The following FAM193A variants were observed in gnomAD, a reference collection of about 807,000 sequenced individuals.
FAM193A encodes protein FAM193A.
Under a neutral mutation model 126.5 loss-of-function variants are expected in FAM193A, and 22 were observed. That is an observed-to-expected ratio of 0.17 (90% CI 0.12 to 0.25). The LOEUF is 0.25. FAM193A is among the 10% of genes least tolerant of loss of function. FAM193A has a pLI of 1.00. For missense variants in FAM193A, 1,675 were observed against 1,672.8 expected, an observed-to-expected ratio of 1.00 and a Z score of -0.02; for synonymous variants, 761 against 646.8, an observed-to-expected ratio of 1.18 and a Z score of -2.68.
chr4:2,703,401 C>CAT (rs1717957238), intron 19 of FAM193A, among the ~76,000 whole-genome samples: 1 of 152,168 alleles, frequency 6.6e-6, no homozygotes. Flanking sequence ...CACGTGCCAC[C>CAT]ATACCCAGCT....
At chr4:2,683,778 A>G (rs973552703) in intron 13 of FAM193A, among the ~76,000 whole-genome samples, 3 of 152,074 alleles carry the variant, frequency 2.0e-5, no homozygotes, top group Admixed American at 6.5e-5. Flanking sequence ...CCAGCATTCC[A>G]CTTACCAGGT....
intron 2 of FAM193A, chr4:2,608,046 G>T (rs1741647999): frequency 1.2e-6 from 2 of 1,608,290 alleles, no homozygotes; most frequent in Non-Finnish European, 1.7e-6. Flanking sequence ...CGGGTGTGCA[G>T]CATAAATTGC....
chr4:2,671,703 C>T (rs1001420300), intron 12 of FAM193A, among the ~76,000 whole-genome samples: 3 of 152,202 alleles, frequency 2.0e-5, no homozygotes, highest in South Asian at 2.1e-4. Context: ...CCACCGTAAC[C>T]GGAAGTCGCG....
In FAM193A at chr4:2,542,289, G is replaced by A. The variant is rs576985128; in HGVS notation, c.255+5119G>A. On this transcript the variant is annotated intron_variant, in intron 1 of 20. Coordinates refer to ENST00000637812, the MANE Select transcript of FAM193A (RefSeq NM_001366318.2). Reference sequence around the variant, plus strand: ...CAAAGTGCTGGGATTACAGGCGTGAGCAACCACGCCCGGCCATTTTTTGTA... The same window carrying A: ...CAAAGTGCTGGGATTACAGGCGTGAACAACCACGCCCGGCCATTTTTTGTA... Among the ~76,000 whole-genome samples, 147 of 152,262 alleles carry A rather than the reference G, an allele frequency of 9.7e-4. 1 individual carries two copies. The highest frequency in any genetic ancestry group is 1.8e-3 in the Non-Finnish European group (121 of 68,024).
At chr4:2,536,113 C>G (rs556509381), upstream of FAM193A, among the ~76,000 whole-genome samples, 1 of 151,758 alleles carries the variant, frequency 6.6e-6, no homozygotes, top group Non-Finnish European at 1.5e-5. Flanking sequence ...TGGTGCATCC[C>G]GGGAGCCGCG....
intron 20 of FAM193A, among the ~76,000 whole-genome samples, chr4:2,724,027 G>A (rs1720457915): frequency 1.5e-5 from 1 of 64,768 alleles, no homozygotes. Context: ...CCAACAGAAT[G>A]TCTTTTTTTT....
At chr4:2,662,703 G>C in intron 10 of FAM193A, 135 bp from the exon 11 acceptor site, 1 of 538,226 alleles carries the variant, frequency 1.9e-6, no homozygotes, top group East Asian at 2.9e-5. Context: ...GTTAGTGGTA[G>C]GAATGATACT....
At chr4:2,656,273 T>C (rs146486359) in intron 7 of FAM193A, among the ~76,000 whole-genome samples, 1 of 152,224 alleles carries the variant, frequency 6.6e-6, no homozygotes, top group Non-Finnish European at 1.5e-5. Context: ...CGTAAAACTT[T>C]GGGGCCTAAT....
intron 1 of FAM193A, among the ~76,000 whole-genome samples, chr4:2,576,239 A>T (rs1037544874): frequency 6.6e-6 from 1 of 152,142 alleles, no homozygotes; most frequent in Non-Finnish European, 1.5e-5. Context: ...CTGGGATTAC[A>T]GGTGCCCCCC....
chr4:2,612,992 A>G (rs1233773308), intron 2 of FAM193A, among the ~76,000 whole-genome samples: 4 of 152,246 alleles, frequency 2.6e-5, no homozygotes, highest in Non-Finnish European at 5.9e-5. Context: ...TGTTGACTCT[A>G]TAGATCAGTT....
chr4:2,559,010 A>G (rs1050141445), intron 1 of FAM193A, among the ~76,000 whole-genome samples: 1 of 152,214 alleles, frequency 6.6e-6, no homozygotes, highest in Admixed American at 6.5e-5. Context: ...AAACAAAAAC[A>G]GAAACAAGAA....
chr4:2,665,668 G>C (rs1167792933), intron 12 of FAM193A, among the ~76,000 whole-genome samples: 4 of 152,058 alleles, frequency 2.6e-5, no homozygotes, highest in Admixed American at 6.6e-5. Flanking sequence ...TACAACTACA[G>C]GCATGCGCCA....
intron 1 of FAM193A, among the ~76,000 whole-genome samples, chr4:2,548,893 C>T (rs969815275): frequency 9.2e-5 from 14 of 151,586 alleles, no homozygotes; most frequent in African/African-American, 3.4e-4. Flanking sequence ...TTTTTTCCTT[C>T]TATGTTTTCT....
intron 1 of FAM193A, among the ~76,000 whole-genome samples, chr4:2,554,266 G>A (rs1478567708): frequency 6.6e-6 from 1 of 151,904 alleles, no homozygotes; most frequent in Non-Finnish European, 1.5e-5. Context: ...TGTATTTTTA[G>A]TAGAGACGGG....
In FAM193A at chr4:2,682,728, A is replaced by T. The variant is rs145610173; in HGVS notation, c.2332-6778A>T. ...ACAATATACATTTTGAACTAATCTGAGTCCTTTTTCAACTAACTAATGTAA... is the reference window on the plus strand; with the variant it reads ...ACAATATACATTTTGAACTAATCTGTGTCCTTTTTCAACTAACTAATGTAA... On this transcript the variant is annotated intron_variant, in intron 13 of 20. Transcript: ENST00000637812. Among the ~76,000 whole-genome samples, 35 of 152,324 alleles carry T rather than the reference A, an allele frequency of 2.3e-4. No individual in the cohort carries two copies. The East Asian group carries it at 6.2e-3, about 27-fold the overall frequency.
chr4:2,599,902 A>ATT (rs759734987), intron 2 of FAM193A, among the ~76,000 whole-genome samples: 1 of 142,970 alleles, frequency 7.0e-6, no homozygotes, highest in Non-Finnish European at 1.5e-5. Flanking sequence ...CACCTGGCTA[A>ATT]TTTTTTTTTT....
chr4:2,567,653 C>G (rs1739048195), intron 1 of FAM193A, among the ~76,000 whole-genome samples: 1 of 152,036 alleles, frequency 6.6e-6, no homozygotes, highest in Non-Finnish European at 1.5e-5. Context: ...TTTTAATGAA[C>G]ATAAATTACA....
intron 2 of FAM193A, among the ~76,000 whole-genome samples, chr4:2,605,670 A>C (rs537432286): frequency 6.6e-6 from 1 of 152,332 alleles, no homozygotes; most frequent in Non-Finnish European, 1.5e-5. Flanking sequence ...TTCCAAAAAC[A>C]AGAATGGTTT....
intron 20 of FAM193A, among the ~76,000 whole-genome samples, chr4:2,723,917 C>T (rs1720445236): frequency 6.6e-6 from 1 of 152,134 alleles, no homozygotes; most frequent in Admixed American, 6.6e-5. Flanking sequence ...CTTTCCACCT[C>T]AGCCTCCTGG....
Sources: allele counts gnomAD v4.1 joint callset (sites outside exome capture counted in the v4.1 genomes callset), GRCh38; gene constraint gnomAD v4.1.1; transcripts MANE v1.5; gene names NCBI Gene and HGNC (gene_info 2026-07-23, HGNC 2026-07-21).